The following RBFOX1 variants were observed in gnomAD, a reference collection of about 807,000 sequenced individuals.
RBFOX1 encodes the protein RNA binding protein fox-1 homolog 1.
Under a neutral mutation model 57.7 loss-of-function variants are expected in RBFOX1, and 8 were observed. That is an observed-to-expected ratio of 0.14 (90% CI 0.08 to 0.25). The LOEUF is 0.25. Among genes scored for constraint, RBFOX1 ranks in the 10% least tolerant of loss-of-function variants. The pLI is 1.00. For synonymous variants in RBFOX1, 326 were observed against 222.4 expected (o/e 1.47, Z -4.15); for missense variants, 611 against 548.5 (o/e 1.11, Z -1.14).
chr16:5,922,341 C>T lies in RBFOX1; in HGVS notation c.351+55006C>T, dbSNP rs137976646. On this transcript the variant is annotated intron_variant, in intron 4 of 19. Transcript: ENST00000641259. Reference sequence around the variant, plus strand: ...AGAGCTGAGATGTAAAGGGGACAAACATCTAAACCATATAGGGATGGACGG... The same window carrying T: ...AGAGCTGAGATGTAAAGGGGACAAATATCTAAACCATATAGGGATGGACGG... Among the ~76,000 whole-genome samples the T allele has an allele frequency of 5.6e-4, 85 of 152,294 alleles. 1 individual carries two copies. Among genetic ancestry groups the T allele is most frequent in the South Asian group, 4.1e-4 (2 of 4,826 alleles).
intron 3 of RBFOX1, among the ~76,000 whole-genome samples, chr16:5,834,831 C>G: frequency 6.6e-6 from 1 of 151,872 alleles, no homozygotes; most frequent in East Asian, 1.9e-4. Flanking sequence ...GACAGACAGA[C>G]AGACAGATTT....
intron 3 of RBFOX1, among the ~76,000 whole-genome samples, chr16:6,751,138 G>C (rs74007010): frequency 0.02 from 2,976 of 152,316 alleles, 90 homozygotes; most frequent in African/African-American, 0.064. Context: ...GCCAGGTCCT[G>C]TGTGGCCTTT....
chr16:6,588,786 C>T (rs1388111354), intron 2 of RBFOX1, among the ~76,000 whole-genome samples: 1 of 152,198 alleles, frequency 6.6e-6, no homozygotes, highest in South Asian at 2.1e-4. Flanking sequence ...ATTTCCCTGT[C>T]ATTCAGTTCA....
intron 4 of RBFOX1, among the ~76,000 whole-genome samples, chr16:7,107,735 G>A (rs928924350): frequency 3.9e-5 from 6 of 152,036 alleles, no homozygotes; most frequent in Non-Finnish European, 7.4e-5. Context: ...TAGAGGAGGT[G>A]GAGTTACTTT....
intron 3 of RBFOX1, among the ~76,000 whole-genome samples, chr16:6,784,703 T>G (rs889492461): frequency 6.6e-6 from 1 of 152,134 alleles, no homozygotes; most frequent in African/African-American, 2.4e-5. Flanking sequence ...GATTTTTTTT[T>G]TTTATAAAGG....
rs139765456 is a variant in RBFOX1, at chr16:7,080,002, A to G, written c.27+27904A>G. On this transcript the variant is annotated intron_variant, in intron 4 of 15. Coordinates refer to ENST00000550418, the MANE Select transcript of RBFOX1 (RefSeq NM_018723.4). ...AGTTAAAATATTAAATTCATTGTGT[A>G]TATATATATACATATATATACGTAT... 2.2e-4 allele frequency among the ~76,000 whole-genome samples: 32 copies of G among 145,690 alleles called. No individual in the cohort carries two copies. In the East Asian group the frequency reaches 4.3e-3, roughly 20 times the overall value.
At chr16:7,612,073 G>C (rs1216830389) in intron 10 of RBFOX1, among the ~76,000 whole-genome samples, 3 of 152,122 alleles carry the variant, frequency 2.0e-5, no homozygotes, top group South Asian at 2.1e-4. Flanking sequence ...TGTAATCCCA[G>C]CACTTTGGGA....
intron 2 of RBFOX1, among the ~76,000 whole-genome samples, chr16:6,391,358 A>T (rs2092591743): frequency 6.6e-6 from 1 of 152,004 alleles, no homozygotes; most frequent in Non-Finnish European, 1.5e-5. Context: ...AAATACAAAA[A>T]AATTAGCCAG....
intron 2 of RBFOX1, among the ~76,000 whole-genome samples, chr16:6,538,964 G>GT (rs1165973943): frequency 1.3e-5 from 2 of 152,074 alleles, no homozygotes; most frequent in Admixed American, 1.3e-4. Flanking sequence ...TGGCTGGTTT[G>GT]TTGGTGTTTT....
chr16:6,836,637 T>G (rs960967219), intron 3 of RBFOX1, among the ~76,000 whole-genome samples: 1 of 152,176 alleles, frequency 6.6e-6, no homozygotes, highest in Non-Finnish European at 1.5e-5. Flanking sequence ...CTTACGGACT[T>G]TCACCCCGCT....
chr16:5,961,165 G>C (rs1417159589), intron 4 of RBFOX1, among the ~76,000 whole-genome samples: 1 of 138,688 alleles, frequency 7.2e-6, no homozygotes, highest in African/African-American at 2.7e-5. Context: ...CAAGAATTTT[G>C]AGCCTTTTTT....
At position 5,944,400 on chromosome 16, in the gene RBFOX1, C is replaced by T. The variant is rs75318789; in HGVS notation, c.351+77065C>T. 3.4e-4 allele frequency among the ~76,000 whole-genome samples: 51 copies of T among 152,200 alleles called. No individual in the cohort carries two copies. In the East Asian group the frequency reaches 6.0e-3, roughly 18 times the overall value. ...TGTATACATAGCAGTTACATGAAGA[C>T]GTGAGACTGCTCTTATCATAGAATA... On this transcript the variant is annotated intron_variant, in intron 4 of 19. Transcript: ENST00000641259.
At chr16:5,937,815 T>C (rs1448721129) in intron 4 of RBFOX1, among the ~76,000 whole-genome samples, 1 of 150,176 alleles carries the variant, frequency 6.7e-6, no homozygotes, top group Non-Finnish European at 1.5e-5. Context: ...ATTATACAAA[T>C]ATATGTTCAT....
chr16:7,381,746 G>A (rs985598918), intron 4 of RBFOX1, among the ~76,000 whole-genome samples: 3 of 152,148 alleles, frequency 2.0e-5, no homozygotes, highest in Admixed American at 6.6e-5. Context: ...AATGGTTGGC[G>A]TAGGCATTTG....
chr16:5,597,208 C>T (rs1036103241), intron 2 of RBFOX1, among the ~76,000 whole-genome samples: 1 of 151,256 alleles, frequency 6.6e-6, no homozygotes, highest in African/African-American at 2.4e-5. Context: ...ATCTTTGTCT[C>T]TCTCTCTTTT....
rs560659808 is a variant in RBFOX1, at chr16:6,844,464, G to C, written c.-16+189814G>C. Among the ~76,000 whole-genome samples the C allele has an allele frequency of 3.9e-5, 6 of 152,218 alleles. No individual in the cohort carries two copies. The East Asian group carries it at 1.2e-3, about 29-fold the overall frequency. On this transcript the variant is annotated intron_variant, in intron 3 of 15. Coordinates refer to ENST00000550418, the MANE Select transcript of RBFOX1 (RefSeq NM_018723.4). Reference sequence around the variant, plus strand: ...ATGTGGTGTTTGGTTTTCTGTTCCTGCGTTAGTTATCTTCCAACTCCATCT... The same window carrying C: ...ATGTGGTGTTTGGTTTTCTGTTCCTCCGTTAGTTATCTTCCAACTCCATCT...
intron 4 of RBFOX1, among the ~76,000 whole-genome samples, chr16:7,120,440 A>G (rs1567334686): frequency 6.6e-6 from 1 of 152,034 alleles, no homozygotes; most frequent in Non-Finnish European, 1.5e-5. Flanking sequence ...GACTGACAAA[A>G]AGCAGAGATG....
At chr16:6,040,948 C>T (rs894700878) in intron 1 of RBFOX1, among the ~76,000 whole-genome samples, 8 of 152,056 alleles carry the variant, frequency 5.3e-5, no homozygotes, top group African/African-American at 1.9e-4. Flanking sequence ...GTTGGCATAT[C>T]CATTCATCTT....
intron 3 of RBFOX1, among the ~76,000 whole-genome samples, chr16:7,036,524 C>G (rs535947454): frequency 5.3e-4 from 81 of 152,038 alleles, no homozygotes; most frequent in African/African-American, 1.9e-3. Context: ...GCCTGGGTGT[C>G]TGTACTAAAA....
Sources: allele counts gnomAD v4.1 joint callset (sites outside exome capture counted in the v4.1 genomes callset), GRCh38; gene constraint gnomAD v4.1.1; transcripts MANE v1.5; gene names NCBI Gene and HGNC (gene_info 2026-07-23, HGNC 2026-07-21).